The following PIGL variants were observed in gnomAD, a reference collection of about 807,000 sequenced individuals.
PIGL encodes the protein phosphatidylinositol glycan anchor biosynthesis class L, also known as N-acetylglucosaminyl-phosphatidylinositol de-N-acetylase.
A neutral mutation model predicts 31.1 loss-of-function variants in PIGL; 22 were observed. The ratio of observed to expected loss-of-function variants is 0.71; its 90% CI spans 0.51 to 1.01. The LOEUF (loss-of-function observed/expected upper bound fraction) is 1.01, where lower values mean the gene tolerates loss of function less well. PIGL is among the 50% of genes least tolerant of loss of function. PIGL has a pLI of 0.00. For synonymous variants in PIGL, 131 were observed against 117.4 expected (o/e 1.12, Z -0.75); for missense variants, 302 against 315.9 (o/e 0.96, Z 0.33).
chr17:16,270,079 G>C (rs2092864125), intron 2 of PIGL, among the ~76,000 whole-genome samples: 1 of 152,004 alleles, frequency 6.6e-6, no homozygotes, highest in African/African-American at 2.4e-5. Flanking sequence ...CTGAGGTCAG[G>C]AGTTCGAGAC....
At chr17:16,266,237 A>G (rs1226303295) in intron 2 of PIGL, among the ~76,000 whole-genome samples, 1 of 151,858 alleles carries the variant, frequency 6.6e-6, no homozygotes, top group Non-Finnish European at 1.5e-5. Flanking sequence ...CAACATGGTG[A>G]AAACCCATCT....
At chr17:16,252,774 A>G (rs2092778228) in intron 2 of PIGL, among the ~76,000 whole-genome samples, 2 of 152,172 alleles carry the variant, frequency 1.3e-5, no homozygotes, top group Non-Finnish European at 1.5e-5. Context: ...CCTTTAAAAG[A>G]TAACAATGCA....
At chr17:16,308,965 T>G (rs2093037462) in intron 3 of PIGL, among the ~76,000 whole-genome samples, 2 of 152,118 alleles carry the variant, frequency 1.3e-5, no homozygotes, top group South Asian at 4.1e-4. Context: ...TAAAAAAATT[T>G]CTTTCTGTAA....
Position 16,268,171 on chromosome 17 carries a change from C to T in PIGL, c.336-31717C>T, listed in dbSNP as rs538852941. On this transcript the variant is annotated intron_variant, in intron 2 of 6. Transcript: ENST00000225609. ...GATGACTGGTCTACATGACCTGAGC[C>T]GAGATGGGAATGAGTTGAAAGGTAG... Among the ~76,000 whole-genome samples, 5 of 152,066 alleles carry T rather than the reference C, an allele frequency of 3.3e-5. No homozygotes were observed. The South Asian group carries it at 6.2e-4, about 19-fold the overall frequency.
In PIGL at chr17:16,325,966, C is replaced by A; in HGVS notation, c.*68C>A. ...AGACAAAGGAGTGCAGAGGACCTGG[C>A]CTGGCACTGGCTTATTTACCTGAGC... On this transcript the variant is annotated 3_prime_UTR_variant, in exon 7 of 7. Transcript: ENST00000225609. The A allele has an allele frequency of 3.5e-6, 4 of 1,149,642 alleles. No homozygotes were observed. The highest frequency in any genetic ancestry group is 2.3e-5 in the East Asian group (1 of 42,750). 71.2% of individuals were successfully genotyped at this position (1,149,642 alleles called of 1,614,324 possible).
intron 2 of PIGL, among the ~76,000 whole-genome samples, chr17:16,252,275 T>C (rs1247251133): frequency 6.6e-6 from 1 of 152,030 alleles, no homozygotes; most frequent in African/African-American, 2.4e-5. Context: ...TGTTTCACCA[T>C]GTTGGCCAGG....
At chr17:16,292,946 C>T (rs903335237) in intron 2 of PIGL, among the ~76,000 whole-genome samples, 7 of 152,218 alleles carry the variant, frequency 4.6e-5, no homozygotes, top group Non-Finnish European at 8.8e-5. Flanking sequence ...CTTAAGGAAG[C>T]ATCCAAAAAC....
rs1171079537 is a variant in PIGL at position 16,220,477 on chromosome 17, G to GTTTT, written c.235+3018_235+3019insTTTT. Among the ~76,000 whole-genome samples, 23 of 70,066 alleles carry GTTTT rather than the reference G, an allele frequency of 3.3e-4. 2 individuals are homozygous for GTTTT. Among genetic ancestry groups the GTTTT allele is most frequent in the African/African-American group, 1.1e-3 (22 of 20,042 alleles). The allele number at this position is 70,066 out of a possible 152,430, so 46.0% of individuals were successfully genotyped here. ...TTCTTTATTTGTGTTTTTTTAAATT[G>GTTTT]TTATTTTTTTTTTTTTTTTTTTTTT... On this transcript the variant is annotated intron_variant, in intron 1 of 6. Coordinates refer to ENST00000225609, the MANE Select transcript of PIGL (RefSeq NM_004278.4).
At chr17:16,308,856 A>C (rs1018764931) in intron 3 of PIGL, among the ~76,000 whole-genome samples, 3 of 137,186 alleles carry the variant, frequency 2.2e-5, no homozygotes, top group African/African-American at 8.4e-5. Flanking sequence ...TGGTGTGATC[A>C]TGGCTCACTG....
At chr17:16,266,555 C>T (rs1026506441) in intron 2 of PIGL, among the ~76,000 whole-genome samples, 3 of 151,964 alleles carry the variant, frequency 2.0e-5, no homozygotes, top group Non-Finnish European at 2.9e-5. Context: ...CCTTTAACTG[C>T]CTAGTAGACT....
In PIGL at chr17:16,252,274, A is replaced by G. The variant is rs150903637; in HGVS notation, c.335+18204A>G. Among the ~76,000 whole-genome samples, 702 of 152,012 alleles carry G rather than the reference A, an allele frequency of 4.6e-3. 5 individuals are homozygous for G. The highest frequency in any genetic ancestry group is 0.016 in the African/African-American group (662 of 41,496). ...TTTTTATTAGAGACGGTGTTTCACC[A>G]TGTTGGCCAGGATGGTCTCGATCTC... On this transcript the variant is annotated intron_variant, in intron 2 of 6. Coordinates refer to ENST00000225609, the MANE Select transcript of PIGL (RefSeq NM_004278.4).
At chr17:16,289,543 T>A (rs755970881) in intron 2 of PIGL, among the ~76,000 whole-genome samples, 8 of 152,214 alleles carry the variant, frequency 5.3e-5, no homozygotes, top group Non-Finnish European at 1.0e-4. Flanking sequence ...GAAATTTCCA[T>A]ACTCTTTGAT....
In PIGL at chr17:16,317,817, A is replaced by G. The variant is rs2142872418; in HGVS notation, c.569A>G (p.Lys190Arg). ...LTLQSVNVLR[K>R]YISLLDLPLS... Reference sequence around the variant, plus strand: ...CTTCAGTCTGTGAATGTGCTGCGCAAGTACATCTCCCTTCTGGATCTGCCC... The same window carrying G: ...CTTCAGTCTGTGAATGTGCTGCGCAGGTACATCTCCCTTCTGGATCTGCCC... The change falls in exon 6 of 7, where the codon AAG becomes AGG. Residue 190 changes from lysine (K) to arginine (R), a missense_variant. Transcript: ENST00000225609. 1 of 1,614,146 alleles carries G rather than the reference A, an allele frequency of 6.2e-7. No homozygotes were observed. The highest frequency in any genetic ancestry group is 8.5e-7 in the Non-Finnish European group (1 of 1,180,038).
chr17:16,228,203 C>G (rs534909393), intron 1 of PIGL, among the ~76,000 whole-genome samples: 1 of 151,012 alleles, frequency 6.6e-6, no homozygotes, highest in Non-Finnish European at 1.5e-5. Flanking sequence ...AGGCACCCAC[C>G]ACCACCATGC....
intron 2 of PIGL, among the ~76,000 whole-genome samples, chr17:16,260,855 C>T (rs1404229514): frequency 6.6e-6 from 1 of 152,138 alleles, no homozygotes; most frequent in African/African-American, 2.4e-5. Context: ...CACAGTGGCT[C>T]ACACCTGTAA....
intron 3 of PIGL, among the ~76,000 whole-genome samples, chr17:16,306,687 G>C (rs1206981015): frequency 1.3e-5 from 2 of 151,954 alleles, no homozygotes; most frequent in African/African-American, 4.8e-5. Flanking sequence ...GCGCCACCAG[G>C]CCCAGCTAAT....
At chr17:16,319,396 T>C (rs1306043725) in intron 6 of PIGL, among the ~76,000 whole-genome samples, 1 of 152,156 alleles carries the variant, frequency 6.6e-6, no homozygotes, top group Middle Eastern at 3.2e-3. Context: ...ATCACTGTTA[T>C]ACATGGAGCG....
chr17:16,304,541 T>A (rs1474989475), intron 3 of PIGL, among the ~76,000 whole-genome samples: 1 of 152,186 alleles, frequency 6.6e-6, no homozygotes, highest in Non-Finnish European at 1.5e-5. Context: ...GAGGATCACT[T>A]GAGGCCAGGA....
chr17:16,301,570 ATTT>A (rs3034004), intron 3 of PIGL, among the ~76,000 whole-genome samples: 143 of 112,342 alleles, frequency 1.3e-3, no homozygotes, highest in Middle Eastern at 5.5e-3. Context: ...CCAATTTTTA[ATTT>A]TTTTTTTTTT....
Sources: allele counts gnomAD v4.1 joint callset (sites outside exome capture counted in the v4.1 genomes callset), GRCh38; gene constraint gnomAD v4.1.1; transcripts MANE v1.5; gene names NCBI Gene and HGNC (gene_info 2026-07-23, HGNC 2026-07-21).